TSPOAP1: variants seen among roughly 807,000 people sequenced by gnomAD.
TSPOAP1 encodes TSPO associated protein 1, also known as peripheral-type benzodiazepine receptor-associated protein 1.
TSPOAP1 carries 87 observed loss-of-function variants against 197.0 expected under a neutral mutation model. The ratio of observed to expected loss-of-function variants is 0.44; its 90% CI spans 0.37 to 0.53. The LOEUF is 0.53. Ranked by LOEUF, TSPOAP1 falls within the 20% of genes least tolerant of loss-of-function variation. The probability of loss-of-function intolerance (pLI) is 0.00; values close to 1 mark genes in which losing one functional copy is unlikely to be tolerated. For missense variants in TSPOAP1, 2,174 were observed against 2,411.3 expected (o/e 0.90, Z 2.06); for synonymous variants, 913 against 998.9 (o/e 0.91, Z 1.62).
In TSPOAP1 at chr17:58,301,981, G is replaced by A. The variant is rs1408702985; in HGVS notation, c.*499C>T. On this transcript the variant is annotated 3_prime_UTR_variant, in exon 32 of 32. Coordinates refer to ENST00000343736, the MANE Select transcript of TSPOAP1 (RefSeq NM_004758.4). ...GTAGACGAGGTGGGTGGACCAGGAC[G>A]CGAGGGTCCTGGGTCCAGTCCTGGC... 1.5e-5 allele frequency: 4 copies of A among 258,368 alleles called. No homozygotes were observed. The highest frequency in any genetic ancestry group is 3.1e-5 in the Non-Finnish European group (4 of 130,614). The allele number at this position is 258,368 out of a possible 1,614,324, so 16.0% of individuals were successfully genotyped here.
At chr17:58,306,140 G>C (rs944291731) in intron 26 of TSPOAP1, among the ~76,000 whole-genome samples, 1 of 152,122 alleles carries the variant, frequency 6.6e-6, no homozygotes, top group Non-Finnish European at 1.5e-5. Flanking sequence ...GCCCCCCATG[G>C]GGGGAGGCAG....
intron 5 of TSPOAP1, 112 bp from the exon 6 acceptor site, chr17:58,323,657 A>T: frequency 8.9e-7 from 1 of 1,122,064 alleles, no homozygotes; most frequent in Non-Finnish European, 1.3e-6. Context: ...AGCCAGCAAG[A>T]GATCCCTGCC....
Position 58,324,694 on chromosome 17 carries a change from T to C in TSPOAP1, c.942+117A>G. The C allele has an allele frequency of 1.1e-6, 1 of 888,156 alleles. No individual in the cohort carries two copies. The highest frequency in any genetic ancestry group is 3.1e-5 in the East Asian group (1 of 32,242). The allele number at this position is 888,156 out of a possible 1,614,324, so 55.0% of individuals were successfully genotyped here. A position where few individuals can be genotyped will look rare whatever the true frequency, so the allele number is the denominator to read the frequency against. On this transcript the variant is annotated intron_variant, in intron 5 of 31. Coordinates refer to ENST00000343736, the MANE Select transcript of TSPOAP1 (RefSeq NM_004758.4). The surrounding 1 kb of genome is among the most constrained non-coding windows in gnomAD (Gnocchi z 5.8). ...GGGAAAGCTCCCCAGCCCCTGGGAGTGCGCACACCACCACTGAGTCCTTGG... is the reference window on the plus strand; with the variant it reads ...GGGAAAGCTCCCCAGCCCCTGGGAGCGCGCACACCACCACTGAGTCCTTGG...
At chr17:58,316,715 A>C (rs1159306933) in intron 14 of TSPOAP1, among the ~76,000 whole-genome samples, 175 bp from the exon 15 acceptor site, 2 of 152,234 alleles carry the variant, frequency 1.3e-5, no homozygotes, top group Non-Finnish European at 2.9e-5. Context: ...TTAGTGCCTG[A>C]GAGAGCAGGT....
intron 13 of TSPOAP1, 79 bp downstream of exon 13, chr17:58,319,011 C>T: frequency 7.2e-7 from 1 of 1,396,946 alleles, no homozygotes; most frequent in East Asian, 2.5e-5. Context: ...TGCTGGCCTT[C>T]TCTGATCCTG....
rs781133643 is a variant in TSPOAP1 at position 58,311,618 on chromosome 17, T to C, written c.3034A>G (p.Asn1012Asp). 6.2e-7 allele frequency: 1 copy of C among 1,610,014 alleles called. No individual in the cohort carries two copies. The highest frequency in any genetic ancestry group is 8.5e-7 in the Non-Finnish European group (1 of 1,177,362). Residue 1012 changes from asparagine (N) to aspartate (D), a missense_variant, in exon 18 of 32, where the codon AAC (asparagine) becomes GAC (aspartate). Around this residue, in one of 5 missense-constraint regions of TSPOAP1, gnomAD observed 1,933 missense variants for 2,139.0 expected, o/e 0.90. Transcript: ENST00000343736. The part of the protein sequence containing the change: ...PVTIDAAGTS[N>D]GVRVTGYAIY... ...GCATAGCCTGTGACCCGGACACCGT[T>C]GGATGTGCCAGCAGCATCGATGGTG...
chr17:58,308,016 C>A, intron 22 of TSPOAP1, 75 bp from the exon 23 acceptor site: 1 of 1,401,682 alleles, frequency 7.1e-7, no homozygotes, highest in South Asian at 1.3e-5. Flanking sequence ...CCAGCTCTGC[C>A]CCATCAGCGT....
rs1468300570 is a variant in TSPOAP1, at chr17:58,312,570, C to T, written c.2251G>A (p.Gly751Ser). Residue 751 changes from glycine to serine, a missense_variant, in exon 17 of 32, where the codon GGC becomes AGC. Physicochemically the swap from Gly to Ser is moderately conservative, Grantham distance 56 (BLOSUM62 0). Coordinates refer to ENST00000343736, the MANE Select transcript of TSPOAP1 (RefSeq NM_004758.4). ...CTGCTTTGGCCCCCGCTACTGCTGC[C>T]ACCCCCACCTACACTCAGGAAACTG... ...ELSFLSVGGG[G>S]SSSGGQSSVG... The T allele has an allele frequency of 1.2e-6, 2 of 1,611,758 alleles. No homozygotes were observed. Among genetic ancestry groups the T allele is most frequent in the South Asian group, 1.1e-5 (1 of 90,760 alleles).
intron 16 of TSPOAP1, among the ~76,000 whole-genome samples, chr17:58,314,837 C>G (rs539374033): frequency 6.6e-6 from 1 of 152,332 alleles, no homozygotes; most frequent in South Asian, 2.1e-4. Context: ...GGCACATGCT[C>G]CAGAAGCCCA....
intron 18 of TSPOAP1, 52 bp from the exon 19 acceptor site, chr17:58,311,265 C>A: frequency 1.3e-6 from 2 of 1,589,948 alleles, no homozygotes; most frequent in Non-Finnish European, 1.7e-6. Context: ...GACAGCCAAG[C>A]GTGAGGATGC....
At chr17:58,306,168 C>T (rs1970883124) in intron 26 of TSPOAP1, among the ~76,000 whole-genome samples, 174 bp downstream of exon 26, 1 of 151,912 alleles carries the variant, frequency 6.6e-6, no homozygotes, top group Non-Finnish European at 1.5e-5. Flanking sequence ...GGGTGGTCTG[C>T]CGATTCCCTT....
rs1224170185 is a variant in TSPOAP1 at position 58,327,706 on chromosome 17, A to G, written c.215T>C (p.Val72Ala). 3 of 1,613,988 alleles carry G rather than the reference A, an allele frequency of 1.9e-6. No homozygotes were observed. Among genetic ancestry groups the G allele is most frequent in the East Asian group, 2.2e-5 (1 of 44,874 alleles). Residue 72 changes from valine to alanine, a missense_variant, in exon 1 of 32, where the codon GTG becomes GCG. By Grantham distance (64) the Val-to-Ala change is moderately conservative. Coordinates refer to ENST00000343736, the MANE Select transcript of TSPOAP1 (RefSeq NM_004758.4). ...TGCTCCTTCAGGGTCAGTTCCCCCC[A>G]CGGGCCTGGAGCTCCCGTCTCCTTT... is the stretch of plus-strand genomic sequence containing the variant. ...KPKGDGSSRP[V>A]GGTDPEGAEA...
rs1026227494 is a variant in TSPOAP1 at position 58,326,903 on chromosome 17, G to A, written c.334-113C>T. 5.6e-6 allele frequency: 5 copies of A among 892,026 alleles called. No homozygotes were observed. Among genetic ancestry groups the A allele is most frequent in the Middle Eastern group, 2.2e-4 (1 of 4,572 alleles). The allele number at this position is 892,026 out of a possible 1,614,324, so 55.3% of individuals were successfully genotyped here. A position where few individuals can be genotyped will look rare whatever the true frequency, so the allele number is the denominator to read the frequency against. ...GTCCAAGGAGACATGGAGATGAAAC[G>A]GTTTCCCCTATGTCCCAGGCCTTCA... is the stretch of plus-strand genomic sequence containing the variant. On this transcript the variant is annotated intron_variant, in intron 1 of 31. Transcript: ENST00000343736. This position sits in a 1 kb window ranked among gnomAD's most constrained non-coding sequence, Gnocchi z 4.7.
rs902229343 is a variant in TSPOAP1, at chr17:58,324,909, G to C, written c.844C>G (p.Arg282Gly). The C allele has an allele frequency of 2.6e-6, 4 of 1,536,316 alleles. No individual in the cohort carries two copies. Among genetic ancestry groups the C allele is most frequent in the Non-Finnish European group, 3.5e-6 (4 of 1,145,584 alleles). The change falls in exon 5 of 32, where the codon CGC becomes GGC. Residue 282 changes from arginine to glycine, a missense_variant. This residue lies in a region of TSPOAP1 where 1,933 missense variants were observed against 2,139.0 expected (regional missense o/e 0.90). Transcript: ENST00000343736. The surrounding 1 kb of genome is among the most constrained non-coding windows in gnomAD (Gnocchi z 5.8). ...VLRLQRQIAL[R>G]NQRETLPLPP... ...AGCGGGAGCGTCTCCCGCTGGTTGC[G>C]CAGCGCGATCTGCCTCTGCAGCCGC...
At position 58,319,070 on chromosome 17, in the gene TSPOAP1, G is replaced by A; in HGVS notation, c.1699+20C>T. On this transcript the variant is annotated intron_variant, in intron 13 of 31. Transcript: ENST00000343736. ...CCAGGCCTGGGGATTCCAGGCCAAT[G>A]CCACTGGGGTCCACCTTACCTTTGG... The A allele has an allele frequency of 4.0e-6, 6 of 1,490,262 alleles. No homozygotes were observed. The highest frequency in any genetic ancestry group is 5.4e-6 in the Non-Finnish European group (6 of 1,112,922). The allele number at this position is 1,490,262 out of a possible 1,614,324, so 92.3% of individuals were successfully genotyped here.
At chr17:58,306,229 C>T in intron 26 of TSPOAP1, 113 bp downstream of exon 26, 1 of 1,144,048 alleles carries the variant, frequency 8.7e-7, no homozygotes, top group Non-Finnish European at 1.3e-6. Context: ...AGCAGCGCCA[C>T]CCACCAGCAC....
chr17:58,317,920 T>A (rs1211001302), intron 14 of TSPOAP1, among the ~76,000 whole-genome samples: 2 of 152,222 alleles, frequency 1.3e-5, no homozygotes, highest in East Asian at 3.8e-4. Flanking sequence ...TCCTGGAACA[T>A]GTGCTTTCTC....
In TSPOAP1 at chr17:58,305,884, T is replaced by G. The variant is rs756210553; in HGVS notation, c.5225-19A>C. On this transcript the variant is annotated intron_variant, in intron 26 of 31. Coordinates refer to ENST00000343736, the MANE Select transcript of TSPOAP1 (RefSeq NM_004758.4). ...GACTCAGCTGTGGAAAGAATGTGCC[T>G]GTGAGCCCCCTCCCACCCTGCCCAC... The G allele has an allele frequency of 6.2e-7, 1 of 1,611,190 alleles. No homozygotes were observed. The highest frequency in any genetic ancestry group is 1.3e-5 in the African/African-American group (1 of 74,864).
rs1315716606 is a variant in TSPOAP1 at position 58,304,539 on chromosome 17, T to C, written c.5545-140A>G. 1 of 708,934 alleles carries C rather than the reference T, an allele frequency of 1.4e-6. No homozygotes were observed. Among genetic ancestry groups the C allele is most frequent in the Non-Finnish European group, 2.6e-6 (1 of 390,518 alleles). The allele number at this position is 708,934 out of a possible 1,614,324, so 43.9% of individuals were successfully genotyped here. On this transcript the variant is annotated intron_variant, in intron 30 of 31. Transcript: ENST00000343736. This position sits in a 1 kb window ranked among gnomAD's most constrained non-coding sequence, Gnocchi z 4.2. ...TCACACATGGAAGCCCTGAGTTTTC[T>C]GGCTGGGGCTTGGCCTCTTCACCCT...
Sources: gnomAD v4.1 joint callset for allele counts (sites outside exome capture counted in the v4.1 genomes callset) on GRCh38, gnomAD v4.1.1 for gene constraint, gnomAD v4.1.1 regional missense constraint, Gnocchi (gnomAD v3.1) non-coding constraint, MANE v1.5 for transcripts, NCBI Gene and HGNC (gene_info 2026-07-23, HGNC 2026-07-21) for gene names.